The following MYOM2 variants were observed in gnomAD, a reference collection of about 807,000 sequenced individuals.
The protein encoded by MYOM2 is myomesin-2.
A neutral mutation model predicts 187.6 loss-of-function variants in MYOM2; 254 were observed. The observed-to-expected ratio is 1.35, with a 90% CI of 1.22 to 1.50. MYOM2 has a LOEUF of 1.50. Among genes scored for constraint, MYOM2 ranks in the 40% most tolerant of loss-of-function variants. The pLI is 0.00. For synonymous variants in MYOM2, 981 were observed against 753.8 expected (o/e 1.30, Z -4.94); for missense variants, 2,796 against 1,924.0 (o/e 1.45, Z -8.48).
At chr8:2,050,298 C>G (rs1356127743) in intron 1 of MYOM2, among the ~76,000 whole-genome samples, 2 of 152,218 alleles carry the variant, frequency 1.3e-5, no homozygotes, top group Non-Finnish European at 2.9e-5. Flanking sequence ...TCGTGGGCCA[C>G]TCGGCCGTCC....
intron 31 of MYOM2, among the ~76,000 whole-genome samples, chr8:2,128,193 A>G (rs2116877093): frequency 6.6e-6 from 1 of 152,360 alleles, no homozygotes; most frequent in Admixed American, 6.5e-5. Flanking sequence ...ACCTTTGGGC[A>G]AGCAAAGGCT....
At chr8:2,136,893 A>G (rs75909640) in intron 32 of MYOM2, among the ~76,000 whole-genome samples, 5 of 152,196 alleles carry the variant, frequency 3.3e-5, no homozygotes, top group African/African-American at 7.2e-5. Flanking sequence ...CTGCCACTTC[A>G]TGAAGCATTT....
Position 2,102,711 on chromosome 8 carries a change from G to T in MYOM2, c.2664G>T (p.Arg888=). The T allele has an allele frequency of 6.2e-7, 1 of 1,614,078 alleles. No individual in the cohort carries two copies. Reference sequence around the variant, plus strand: ...GTAAGACCTATGTCTTCAGGGTCCGGGCAGTCAATGCAAATGGCGTGGGGA... The same window carrying T: ...GTAAGACCTATGTCTTCAGGGTCCGTGCAGTCAATGCAAATGGCGTGGGGA... ...QQGKTYVFRV[R]AVNANGVGKP... The change falls in exon 21 of 37, where the codon CGG becomes CGT. Residue 888 remains arginine (R), a synonymous_variant. Transcript: ENST00000262113.
chr8:2,142,866 C>T (rs1463809655), intron 35 of MYOM2, among the ~76,000 whole-genome samples: 1 of 151,644 alleles, frequency 6.6e-6, no homozygotes, highest in East Asian at 1.9e-4. Context: ...AGCGATTCTC[C>T]TGCCTCAACT....
intron 25 of MYOM2, 90 bp downstream of exon 25, chr8:2,109,621 G>T: frequency 7.3e-7 from 1 of 1,373,046 alleles, no homozygotes. Context: ...TTCTCTGTCT[G>T]TTTCCATCCT....
At chr8:2,060,807 C>T (rs1818827509) in intron 6 of MYOM2, among the ~76,000 whole-genome samples, 1 of 149,034 alleles carries the variant, frequency 6.7e-6, no homozygotes, top group Non-Finnish European at 1.5e-5. Flanking sequence ...TATCCTGACA[C>T]TCGTTAAGGA....
chr8:2,085,060 T>C (rs1265913031), intron 13 of MYOM2: 9 of 604,018 alleles, frequency 1.5e-5, no homozygotes, highest in African/African-American at 5.6e-5. Flanking sequence ...ATATCTGTAT[T>C]GGAAGCAAAA....
At chr8:2,068,644 A>C (rs897320168) in intron 6 of MYOM2, among the ~76,000 whole-genome samples, 1 of 152,252 alleles carries the variant, frequency 6.6e-6, no homozygotes, top group South Asian at 2.1e-4. Flanking sequence ...CGTGTGCACC[A>C]GGATCACCTG....
chr8:2,087,782 C>A (rs1290785720), intron 14 of MYOM2, among the ~76,000 whole-genome samples: 7 of 152,134 alleles, frequency 4.6e-5, no homozygotes, highest in Admixed American at 3.3e-4. Context: ...CCACGCCCAG[C>A]TGATTTTTAA....
intron 1 of MYOM2, among the ~76,000 whole-genome samples, chr8:2,046,339 C>T (rs1014944149): frequency 6.6e-6 from 1 of 152,210 alleles, no homozygotes; most frequent in African/African-American, 2.4e-5. Flanking sequence ...GCTCGCGTTT[C>T]ATCCTGGTGT....
At chr8:2,118,345 C>G (rs1043961443) in intron 28 of MYOM2, among the ~76,000 whole-genome samples, 4 of 152,150 alleles carry the variant, frequency 2.6e-5, no homozygotes, top group African/African-American at 7.2e-5. Context: ...TTTCGTTTAA[C>G]AATGTAGTAA....
chr8:2,086,282 C>T (rs1391963419), intron 14 of MYOM2, among the ~76,000 whole-genome samples: 3 of 143,778 alleles, frequency 2.1e-5, no homozygotes, highest in Non-Finnish European at 4.6e-5. Flanking sequence ...TCTGGCACCC[C>T]ACTGTCGTGA....
Position 2,072,450 on chromosome 8 carries a change from C to A in MYOM2, c.899C>A (p.Thr300Asn), listed in dbSNP as rs900550295. The A allele has an allele frequency of 1.9e-6, 3 of 1,614,006 alleles. No individual in the cohort carries two copies. The highest frequency in any genetic ancestry group is 2.5e-6 in the Non-Finnish European group (3 of 1,180,050). The change falls in exon 9 of 37, where the codon ACC (threonine) becomes AAC (asparagine). Residue 300 changes from threonine (T) to asparagine (N), a missense_variant. Coordinates refer to ENST00000262113, the MANE Select transcript of MYOM2 (RefSeq NM_003970.4). Reference sequence around the variant, plus strand: ...GGCGAGACGGTCACTCTCAAGTGCACCATGCTGGTGACGCCGGACCTGAAG... The same window carrying A: ...GGCGAGACGGTCACTCTCAAGTGCAACATGCTGGTGACGCCGGACCTGAAG... The part of the protein sequence containing the change: ...REGETVTLKC[T>N]MLVTPDLKRV...
chr8:2,126,422 G>T (rs148448079), intron 31 of MYOM2, among the ~76,000 whole-genome samples: 2 of 142,754 alleles, frequency 1.4e-5, no homozygotes, highest in African/African-American at 5.4e-5. Context: ...TTCCCACTCA[G>T]ACATACACAC....
At chr8:2,110,566 GCT>G (rs1432221976) in intron 25 of MYOM2, among the ~76,000 whole-genome samples, 1 of 152,108 alleles carries the variant, frequency 6.6e-6, no homozygotes, top group Non-Finnish European at 1.5e-5. Flanking sequence ...GTGGCTTGGG[GCT>G]CTCTCAGAGC....
chr8:2,106,623 C>G, intron 23 of MYOM2, 26 bp downstream of exon 23: 1 of 1,526,752 alleles, frequency 6.5e-7, no homozygotes, highest in South Asian at 1.2e-5. Context: ...CAGAACCTTG[C>G]CTGTTTTGGT....
intron 5 of MYOM2, among the ~76,000 whole-genome samples, chr8:2,057,983 C>T (rs943153984): frequency 1.7e-5 from 2 of 118,050 alleles, no homozygotes; most frequent in African/African-American, 6.5e-5. Context: ...ATTGAGTCAA[C>T]AAATTTTTCA....
chr8:2,100,987 TCAGG>T lies in MYOM2; in HGVS notation c.2553_2556del (p.Phe851LeufsTer21). 6.2e-7 allele frequency: 1 copy of T among 1,614,134 alleles called. No individual in the cohort carries two copies. Among genetic ancestry groups the T allele is most frequent in the Non-Finnish European group, 8.5e-7 (1 of 1,180,020 alleles). On this transcript the variant is annotated frameshift_variant, in exon 20 of 37. Transcript: ENST00000262113. LOFTEE classifies it high-confidence loss of function. ...CCTGTTTCTGGATATTTCGTGGACT[TCAGG>T]GAGGAGGATGCTGGAGAGTGGATCA...
Position 2,073,410 on chromosome 8 carries a change from C to T in MYOM2, c.1030C>T (p.His344Tyr), listed in dbSNP as rs775654136. 1.4e-5 allele frequency: 23 copies of T among 1,613,206 alleles called. No homozygotes were observed. The highest frequency in any genetic ancestry group is 1.9e-5 in the Non-Finnish European group (22 of 1,179,796). Reference protein sequence around the residue: ...GEGQASLSFSHLHKDDEGLYT... With the variant: ...GEGQASLSFSYLHKDDEGLYT... ...AGGCCAGGCCTCCCTGTCCTTCAGC[C>T]ACCTGCACAAGGACGACGAGGGCCT... The change falls in exon 10 of 37, where the codon CAC becomes TAC. Residue 344 changes from histidine (H) to tyrosine (Y), a missense_variant. Transcript: ENST00000262113.
Sources: gnomAD v4.1 joint callset for allele counts (sites outside exome capture counted in the v4.1 genomes callset) on GRCh38, gnomAD v4.1.1 for gene constraint, MANE v1.5 for transcripts, NCBI Gene and HGNC (gene_info 2026-07-23, HGNC 2026-07-21) for gene names.